Variants in CA10 observed in about 807,000 individuals in gnomAD.
The protein encoded by CA10 is carbonic anhydrase-related protein 10.
Under a neutral mutation model 44.2 loss-of-function variants are expected in CA10, and 14 were observed. That is an observed-to-expected ratio of 0.32 (90% CI 0.21 to 0.50). CA10 has a LOEUF of 0.50. CA10 is among the 20% of genes least tolerant of loss of function. The probability of loss-of-function intolerance (pLI) is 0.99; values close to 1 mark genes in which losing one functional copy is unlikely to be tolerated. For synonymous variants in CA10, 159 were observed against 141.6 expected (o/e 1.12, Z -0.87); for missense variants, 350 against 409.7 (o/e 0.85, Z 1.26).
At chr17:51,679,266 T>A (rs12452442) in intron 4 of CA10, among the ~76,000 whole-genome samples, 3 of 138,230 alleles carry the variant, frequency 2.2e-5, no homozygotes, top group Admixed American at 7.8e-5. Flanking sequence ...TTCTTTCTCT[T>A]TTTTTTTTTT....
intron 2 of CA10, among the ~76,000 whole-genome samples, chr17:51,938,765 C>G (rs1982963215): frequency 6.6e-6 from 1 of 152,048 alleles, no homozygotes; most frequent in Non-Finnish European, 1.5e-5. Flanking sequence ...TGATCACCCC[C>G]TGTTTAACAA....
chr17:51,721,895 T>C (rs913760439), intron 4 of CA10, among the ~76,000 whole-genome samples: 1 of 152,150 alleles, frequency 6.6e-6, no homozygotes, highest in African/African-American at 2.4e-5. Context: ...TCCTGAGTTG[T>C]ATCCTTTATA....
chr17:52,098,979 T>C (rs1988472092), intron 1 of CA10, among the ~76,000 whole-genome samples: 1 of 152,130 alleles, frequency 6.6e-6, no homozygotes, highest in Admixed American at 6.6e-5. Context: ...TGGGGTCAGA[T>C]GTGCTCCAAA....
intron 3 of CA10, among the ~76,000 whole-genome samples, chr17:51,838,629 T>C (rs1978295818): frequency 6.6e-6 from 1 of 152,256 alleles, no homozygotes; most frequent in Non-Finnish European, 1.5e-5. Flanking sequence ...AACGACTTCA[T>C]GCATTATCAA....
intron 7 of CA10, among the ~76,000 whole-genome samples, 157 bp from the exon 8 acceptor site, chr17:51,633,807 T>G (rs1265638339): frequency 6.6e-6 from 1 of 152,164 alleles, no homozygotes; most frequent in Non-Finnish European, 1.5e-5. Context: ...ATGGGTTCAG[T>G]TGAGCTGAAG....
intron 3 of CA10, among the ~76,000 whole-genome samples, chr17:51,798,500 A>C (rs1906801177): frequency 6.6e-6 from 1 of 152,248 alleles, no homozygotes; most frequent in African/African-American, 2.4e-5. Flanking sequence ...CACACACAAA[A>C]AAAATACAAA....
chr17:52,019,131 C>T (rs1017017375), intron 2 of CA10, among the ~76,000 whole-genome samples: 1 of 152,018 alleles, frequency 6.6e-6, no homozygotes, highest in African/African-American at 2.4e-5. Context: ...GACAAATAAA[C>T]CTCTTTTCTT....
chr17:51,795,496 G>A (rs933802792), intron 3 of CA10, among the ~76,000 whole-genome samples: 8 of 152,102 alleles, frequency 5.3e-5, no homozygotes, highest in Admixed American at 1.3e-4. Context: ...AAGGGCTTTT[G>A]GCCAGAGAAA....
At chr17:51,733,215 A>G (rs11870685) in intron 4 of CA10, among the ~76,000 whole-genome samples, 99,177 of 151,988 alleles carry the variant, frequency 0.65, 32,565 homozygotes, top group East Asian at 0.73. Flanking sequence ...TTACTAACTT[A>G]ATATAGCTTT....
chr17:51,697,918 G>T (rs1915455763), intron 4 of CA10, among the ~76,000 whole-genome samples: 1 of 152,140 alleles, frequency 6.6e-6, no homozygotes, highest in Non-Finnish European at 1.5e-5. Flanking sequence ...CTGCACATCT[G>T]CAGGTGTCAC....
At chr17:52,153,576 G>A (rs1989746404) in intron 1 of CA10, among the ~76,000 whole-genome samples, 1 of 152,120 alleles carries the variant, frequency 6.6e-6, no homozygotes, top group African/African-American at 2.4e-5. Flanking sequence ...AAAGCTTAAT[G>A]CTACCAGTCT....
chr17:51,656,978 A>C (rs1283487544), intron 4 of CA10, among the ~76,000 whole-genome samples: 3 of 152,234 alleles, frequency 2.0e-5, no homozygotes, highest in African/African-American at 7.2e-5. Context: ...AGCAATAGAA[A>C]GGCTTTGAGC....
rs376956042 is a variant in CA10, at chr17:52,121,063, AT to A, written c.61+36662del. Reference sequence around the variant, plus strand: ...CACTGTTCTGTTGAAATCTTCACCCATCACTTCCCTGCCTCCAAGAATCTGA... The same window carrying A: ...CACTGTTCTGTTGAAATCTTCACCCACACTTCCCTGCCTCCAAGAATCTGA... On this transcript the variant is annotated intron_variant, in intron 1 of 8. Transcript: ENST00000451037. 3.9e-4 allele frequency among the ~76,000 whole-genome samples: 60 copies of A among 152,282 alleles called. No individual in the cohort carries two copies. In the East Asian group the frequency reaches 9.7e-3, roughly 25 times the overall value.
intron 1 of CA10, among the ~76,000 whole-genome samples, chr17:52,128,297 G>C (rs1012884732): frequency 1.3e-5 from 2 of 152,126 alleles, no homozygotes; most frequent in African/African-American, 4.8e-5. Flanking sequence ...AAAAATGCAT[G>C]GATGAGTCAC....
At chr17:51,719,063 A>C (rs933643319) in intron 4 of CA10, among the ~76,000 whole-genome samples, 4 of 152,124 alleles carry the variant, frequency 2.6e-5, no homozygotes, top group Admixed American at 2.6e-4. Context: ...AGCTCATCTG[A>C]GCATACCACA....
intron 1 of CA10, among the ~76,000 whole-genome samples, chr17:52,125,378 A>G (rs1158643642): frequency 6.6e-6 from 1 of 152,216 alleles, no homozygotes; most frequent in Non-Finnish European, 1.5e-5. Context: ...GTGACCAGCC[A>G]AAGAGCAGGT....
intron 3 of CA10, among the ~76,000 whole-genome samples, chr17:51,875,081 C>T (rs1980007862): frequency 6.6e-6 from 1 of 151,766 alleles, no homozygotes; most frequent in South Asian, 2.1e-4. Context: ...TCAAGCCATC[C>T]TCCCACCTCA....
At chr17:52,003,083 C>CT (rs1346287778) in intron 2 of CA10, among the ~76,000 whole-genome samples, 2 of 151,940 alleles carry the variant, frequency 1.3e-5, no homozygotes, top group Admixed American at 1.3e-4. Flanking sequence ...GCTGCTTCCA[C>CT]TTTTTTCCTC....
At chr17:51,724,969 G>A (rs1453653973) in intron 4 of CA10, among the ~76,000 whole-genome samples, 1 of 152,222 alleles carries the variant, frequency 6.6e-6, no homozygotes, top group Non-Finnish European at 1.5e-5. Flanking sequence ...GCTCTGGTAG[G>A]AGCAGTTTTA....
Sources: allele counts gnomAD v4.1 joint callset (sites outside exome capture counted in the v4.1 genomes callset), GRCh38; gene constraint gnomAD v4.1.1; transcripts MANE v1.5; gene names NCBI Gene and HGNC (gene_info 2026-07-23, HGNC 2026-07-21).